The following GINS1 variants were observed in gnomAD, a reference collection of about 807,000 sequenced individuals.
The protein encoded by GINS1 is GINS complex subunit 1.
Under a neutral mutation model 34.9 loss-of-function variants are expected in GINS1, and 26 were observed. The observed-to-expected ratio is 0.74, with a 90% CI of 0.55 to 1.03. The LOEUF is 1.03. Ranked by LOEUF, GINS1 falls within the 50% of genes least tolerant of loss-of-function variation. The probability of loss-of-function intolerance (pLI) is 0.00; values close to 1 mark genes in which losing one functional copy is unlikely to be tolerated. For missense variants in GINS1, 235 were observed against 237.9 expected (o/e 0.99, Z 0.08); for synonymous variants, 97 against 84.4 (o/e 1.15, Z -0.82).
At chr20:25,443,323 A>C (rs1245983344) in intron 6 of GINS1, among the ~76,000 whole-genome samples, 1 of 152,218 alleles carries the variant, frequency 6.6e-6, no homozygotes, top group Non-Finnish European at 1.5e-5. Flanking sequence ...TAATGAATTT[A>C]AAGCAGATAA....
At chr20:25,442,495 C>CTTT (rs1304737668) in intron 6 of GINS1, among the ~76,000 whole-genome samples, 1 of 151,912 alleles carries the variant, frequency 6.6e-6, no homozygotes, top group African/African-American at 2.4e-5. Context: ...GCGAGGATTA[C>CTTT]AGGTGTGAAC....
rs2090384894 is a variant in GINS1, at chr20:25,425,325, G to A, written c.445G>A (p.Glu149Lys). ...DMKPPKSLYI[E>K]VRCLKDYGEF... Reference sequence around the variant, plus strand: ...GAAACCACCAAAAAGCCTATATATTGAAGTATGTATATCTTTTTAAAATGC... The same window carrying A: ...GAAACCACCAAAAAGCCTATATATTAAAGTATGTATATCTTTTTAAAATGC... Residue 149 changes from glutamate to lysine, a missense_variant and splice_region_variant, in exon 5 of 7, where the codon GAA (glutamate) becomes AAA (lysine). By Grantham distance (56) the Glu-to-Lys change is moderately conservative. Coordinates refer to ENST00000262460, the MANE Select transcript of GINS1 (RefSeq NM_021067.5). The A allele has an allele frequency of 3.2e-6, 4 of 1,249,366 alleles. No individual in the cohort carries two copies. The highest frequency in any genetic ancestry group is 4.7e-6 in the Non-Finnish European group (4 of 853,036). 77.4% of individuals were successfully genotyped at this position (1,249,366 alleles called of 1,614,324 possible). A position where few individuals can be genotyped will look rare whatever the true frequency, so the allele number is the denominator to read the frequency against.
In GINS1 at chr20:25,420,872, A is replaced by G. The variant is rs2090351200; in HGVS notation, c.330+2677A>G. On this transcript the variant is annotated intron_variant, in intron 4 of 6. Coordinates refer to ENST00000262460, the MANE Select transcript of GINS1 (RefSeq NM_021067.5). ...AGTGATGTTTTGGAAACACTGAAGG[A>G]TGAGAAGAGATTAATACAGATAAAC... 4 of 978,836 alleles carry G rather than the reference A, an allele frequency of 4.1e-6. No individual in the cohort carries two copies. In the South Asian group the frequency reaches 1.9e-4, roughly 46 times the overall value. The allele number at this position is 978,836 out of a possible 1,614,324, so 60.6% of individuals were successfully genotyped here.
chr20:25,409,177 A>T lies in GINS1; in HGVS notation c.75+1282A>T, dbSNP rs6050593. On this transcript the variant is annotated intron_variant, in intron 1 of 6. Coordinates refer to ENST00000262460, the MANE Select transcript of GINS1 (RefSeq NM_021067.5). ...TGGGGAGTCTAGGAAGGTGGCTCACAGCCTACATGAATTTGTTGTTCACTT... is the reference window on the plus strand; with the variant it reads ...TGGGGAGTCTAGGAAGGTGGCTCACTGCCTACATGAATTTGTTGTTCACTT... Among the ~76,000 whole-genome samples the T allele has an allele frequency of 4.9e-3, 740 of 152,362 alleles. 10 individuals are homozygous for T. The highest frequency in any genetic ancestry group is 0.017 in the African/African-American group (703 of 41,592).
At chr20:25,426,959 A>G (rs1432317415) in intron 5 of GINS1, among the ~76,000 whole-genome samples, 2 of 152,188 alleles carry the variant, frequency 1.3e-5, no homozygotes, top group Admixed American at 6.6e-5. Context: ...CAATGCTGCT[A>G]TGAACGTGGA....
At chr20:25,423,950 C>T (rs774570262) in intron 4 of GINS1, among the ~76,000 whole-genome samples, 3 of 151,962 alleles carry the variant, frequency 2.0e-5, no homozygotes, top group Non-Finnish European at 4.4e-5. Context: ...TATATTTTAC[C>T]TTTTACAAAG....
intron 1 of GINS1, 68 bp from the exon 2 acceptor site, chr20:25,413,722 T>C: frequency 1.1e-6 from 1 of 873,888 alleles, no homozygotes; most frequent in Non-Finnish European, 2.0e-6. Flanking sequence ...CAGTTCAGTA[T>C]TGATAGCATA....
intron 4 of GINS1, among the ~76,000 whole-genome samples, chr20:25,419,329 T>C (rs940949684): frequency 7.1e-6 from 1 of 140,532 alleles, no homozygotes; most frequent in Admixed American, 7.7e-5. Flanking sequence ...AGCACATGTA[T>C]CCCAGAACTT....
intron 5 of GINS1, among the ~76,000 whole-genome samples, chr20:25,440,323 T>C (rs1202831502): frequency 1.3e-5 from 2 of 152,144 alleles, no homozygotes; most frequent in East Asian, 1.9e-4. Flanking sequence ...TTTAAAATTA[T>C]CTGGTTTTAT....
intron 6 of GINS1, 151 bp from the exon 7 acceptor site, chr20:25,445,772 C>T (rs970259723): frequency 2.7e-5 from 16 of 588,680 alleles, no homozygotes; most frequent in Non-Finnish European, 4.2e-5. Flanking sequence ...CATGAGCCAC[C>T]GTACCCAGCC....
chr20:25,425,049 A>G (rs909621862), intron 4 of GINS1, among the ~76,000 whole-genome samples, 162 bp from the exon 5 acceptor site: 6 of 152,182 alleles, frequency 3.9e-5, no homozygotes, highest in Non-Finnish European at 8.8e-5. Flanking sequence ...AAGTACCCAG[A>G]CCAATGCCTA....
chr20:25,411,625 C>A (rs1482481107), intron 1 of GINS1, among the ~76,000 whole-genome samples: 1 of 151,824 alleles, frequency 6.6e-6, no homozygotes, highest in Non-Finnish European at 1.5e-5. Flanking sequence ...ATGGCGAAAC[C>A]CTGTCTCTAC....
At chr20:25,424,604 T>C (rs1303574133) in intron 4 of GINS1, among the ~76,000 whole-genome samples, 2 of 152,148 alleles carry the variant, frequency 1.3e-5, no homozygotes, top group African/African-American at 4.8e-5. Context: ...AAAGAAGCCC[T>C]GTCCCCTTTA....
rs933524745 is a variant in GINS1 at position 25,447,498 on chromosome 20, A to G, written c.*1507A>G. 4.6e-5 allele frequency: 7 copies of G among 152,222 alleles called. No homozygotes were observed. The highest frequency in any genetic ancestry group is 1.4e-4 in the African/African-American group (6 of 41,458). The allele number at this position is 152,222 out of a possible 1,614,324, so 9.4% of individuals were successfully genotyped here. ...TTTGTTAAAAAGTAGTTGTCAATGT[A>G]TATGTGGGTTTATTTCAGGACTCTG... On this transcript the variant is annotated 3_prime_UTR_variant, in exon 7 of 7. Coordinates refer to ENST00000262460, the MANE Select transcript of GINS1 (RefSeq NM_021067.5).
chr20:25,438,313 C>T lies in GINS1; in HGVS notation c.448-3389C>T, dbSNP rs73333553. On this transcript the variant is annotated intron_variant, in intron 5 of 6. Transcript: ENST00000262460. ...AAAAATGTACGAACTGAGCATGAAA[C>T]ATCTTGTCTTCCCAGAAAGGAAGGA... 6.5e-3 allele frequency among the ~76,000 whole-genome samples: 992 copies of T among 151,944 alleles called. 16 individuals carry two copies. Among genetic ancestry groups the T allele is most frequent in the African/African-American group, 0.023 (947 of 41,444 alleles).
chr20:25,445,236 C>T (rs1025631658), intron 6 of GINS1, among the ~76,000 whole-genome samples: 10 of 152,112 alleles, frequency 6.6e-5, no homozygotes, highest in African/African-American at 2.4e-4. Flanking sequence ...CTCTTGTTGC[C>T]CAGGCTGGAG....
intron 5 of GINS1, among the ~76,000 whole-genome samples, chr20:25,425,988 A>C (rs2090388495): frequency 6.6e-6 from 1 of 152,094 alleles, no homozygotes; most frequent in Non-Finnish European, 1.5e-5. Context: ...TTCATCTTAT[A>C]AAACTGAAAC....
rs565271566 is a variant in GINS1, at chr20:25,443,292, C to T, written c.522+1516C>T. On this transcript the variant is annotated intron_variant, in intron 6 of 6. Coordinates refer to ENST00000262460, the MANE Select transcript of GINS1 (RefSeq NM_021067.5). Reference sequence around the variant, plus strand: ...AGTTGTTAAGGCAACAATTTCTGTCCCAAGTATTCTCTTAGGACACTAATG... The same window carrying T: ...AGTTGTTAAGGCAACAATTTCTGTCTCAAGTATTCTCTTAGGACACTAATG... Among the ~76,000 whole-genome samples the T allele has an allele frequency of 1.4e-4, 21 of 152,042 alleles. No individual in the cohort carries two copies. In the Middle Eastern group the frequency reaches 0.01, roughly 74 times the overall value.
intron 1 of GINS1, chr20:25,411,358 A>G (rs573844396): frequency 6.6e-6 from 1 of 152,226 alleles, no homozygotes; most frequent in Non-Finnish European, 1.5e-5. Flanking sequence ...TCTTTTGAGC[A>G]GAGTTGAGTA....
Sources: gnomAD v4.1 joint callset for allele counts (sites outside exome capture counted in the v4.1 genomes callset) on GRCh38, gnomAD v4.1.1 for gene constraint, MANE v1.5 for transcripts, NCBI Gene and HGNC (gene_info 2026-07-23, HGNC 2026-07-21) for gene names.